Variants in MYDGF observed in about 807,000 individuals in gnomAD.
MYDGF encodes myeloid-derived growth factor.
A neutral mutation model predicts 24.2 loss-of-function variants in MYDGF; 29 were observed. The observed-to-expected ratio is 1.20, with a 90% CI of 0.89 to 1.63. The LOEUF (loss-of-function observed/expected upper bound fraction) is 1.63. Among genes scored for constraint, MYDGF ranks in the 40% most tolerant of loss-of-function variants. The probability of loss-of-function intolerance (pLI) is 0.00; values close to 1 mark genes in which losing one functional copy is unlikely to be tolerated. For missense variants in MYDGF, 245 were observed against 234.8 expected, an observed-to-expected ratio of 1.04 and a Z score of -0.29; for synonymous variants, 105 against 102.5, an observed-to-expected ratio of 1.02 and a Z score of -0.15.
chr19:4,667,680 C>G (rs1006508360), intron 2 of MYDGF, among the ~76,000 whole-genome samples: 13 of 151,848 alleles, frequency 8.6e-5, no homozygotes, highest in African/African-American at 3.2e-4. Context: ...CAACTAAGAG[C>G]TTGAAGGAGA....
chr19:4,665,036 T>C, intron 2 of MYDGF, 99 bp from the exon 3 acceptor site: 2 of 1,296,366 alleles, frequency 1.5e-6, no homozygotes, highest in Non-Finnish European at 2.1e-6. Context: ...ACCTCTTCTG[T>C]ACCTCCCGAT....
chr19:4,670,147 G>A lies in MYDGF; in HGVS notation c.174+14C>T. ...TGCCAGCACTCAAATATCCGGGACG[G>A]CGGTGGCACGTACCCCCGGGCCCAC... On this transcript the variant is annotated intron_variant, in intron 1 of 5. Coordinates refer to ENST00000262947, the MANE Select transcript of MYDGF (RefSeq NM_019107.4). 6.6e-7 allele frequency: 1 copy of A among 1,509,890 alleles called. No individual in the cohort carries two copies. Among genetic ancestry groups the A allele is most frequent in the East Asian group, 2.7e-5 (1 of 36,800 alleles). 93.5% of individuals were successfully genotyped at this position (1,509,890 alleles called of 1,614,324 possible).
intron 1 of MYDGF, 37 bp from the exon 2 acceptor site, chr19:4,668,682 G>A (rs745788733): frequency 2.5e-6 from 4 of 1,579,710 alleles, no homozygotes; most frequent in Non-Finnish European, 3.5e-6. Flanking sequence ...TTGGTAGAAG[G>A]AAATTTTTAT....
Position 4,658,020 on chromosome 19 carries a change from C to T in MYDGF, c.507G>A (p.Ser169=), listed in dbSNP as rs201344891. Residue 169 remains serine (S), a synonymous_variant, in exon 6 of 6, where the codon TCG becomes TCA. Transcript: ENST00000262947. The part of the protein sequence containing the change: ...LSKLVIVAKA[S]RTEL ...GGGCTGCTGGTCACAGCTCAGTGCG[C>T]GATGCCTTGGCCACAATCACCAGCT... 3.2e-5 allele frequency: 52 copies of T among 1,610,694 alleles called. No individual in the cohort carries two copies. The highest frequency in any genetic ancestry group is 2.2e-4 in the Admixed American group (13 of 59,694).
At chr19:4,664,427 C>G (rs1294624277) in intron 3 of MYDGF, among the ~76,000 whole-genome samples, 1 of 150,264 alleles carries the variant, frequency 6.7e-6, no homozygotes, top group Admixed American at 6.7e-5. Flanking sequence ...GAGGCGGAGG[C>G]TGCAGTGAGC....
At chr19:4,661,668 G>A (rs2088472059) in intron 3 of MYDGF, among the ~76,000 whole-genome samples, 1 of 152,022 alleles carries the variant, frequency 6.6e-6, no homozygotes, top group Non-Finnish European at 1.5e-5. Flanking sequence ...CCCTGGCTGG[G>A]GTTCTATGTG....
At chr19:4,660,431 A>G in intron 4 of MYDGF, 1 of 550,794 alleles carries the variant, frequency 1.8e-6, no homozygotes. Context: ...CCTGGCCTGG[A>G]GAAGTCTTTT....
rs1341268578 is a variant in MYDGF at position 4,657,836 on chromosome 19, C to T, written c.*169G>A. The T allele has an allele frequency of 1.7e-6, 1 of 587,336 alleles. No homozygotes were observed. The highest frequency in any genetic ancestry group is 2.9e-6 in the Non-Finnish European group (1 of 339,648). 36.4% of individuals were successfully genotyped at this position (587,336 alleles called of 1,614,324 possible). On this transcript the variant is annotated 3_prime_UTR_variant, in exon 6 of 6. Transcript: ENST00000262947. ...GGCCCTGGACCCTCTGTTCTCTGCC[C>T]CAGGGCTTCAGCCACCCTGCAAGCC...
intron 3 of MYDGF, among the ~76,000 whole-genome samples, chr19:4,662,425 C>G (rs1396763977): frequency 6.6e-6 from 1 of 152,228 alleles, no homozygotes; most frequent in Non-Finnish European, 1.5e-5. Context: ...ACCCCCTCCC[C>G]ACCGGGGGGC....
chr19:4,658,085 C>T lies in MYDGF; in HGVS notation c.443-1G>A. ...TTGAATGCCCCGGGCCTGTGAGCCA[C>T]TGCAAGAAAGAAACACATGGTTGGG... On this transcript the variant is annotated splice_acceptor_variant, in intron 5 of 5. Transcript: ENST00000262947. LOFTEE classifies it high-confidence loss of function. 6.2e-7 allele frequency: 1 copy of T among 1,609,074 alleles called. No homozygotes were observed. The highest frequency in any genetic ancestry group is 2.2e-5 in the East Asian group (1 of 44,838).
At position 4,661,118 on chromosome 19, in the gene MYDGF, G is replaced by A. The variant is rs145310784; in HGVS notation, c.288-368C>T. Among the ~76,000 whole-genome samples, 118 of 151,866 alleles carry A rather than the reference G, an allele frequency of 7.8e-4. 3 individuals carry two copies. In the East Asian group the frequency reaches 0.022, roughly 28 times the overall value. On this transcript the variant is annotated intron_variant, in intron 3 of 5. Coordinates refer to ENST00000262947, the MANE Select transcript of MYDGF (RefSeq NM_019107.4). ...TGTAGCTGGGAGTACAGGCACCCGC[G>A]ACCACATCTGACTAATTTTGGTATT...
chr19:4,667,578 A>T (rs1382557247), intron 2 of MYDGF, among the ~76,000 whole-genome samples: 2 of 152,190 alleles, frequency 1.3e-5, no homozygotes, highest in Non-Finnish European at 2.9e-5. Flanking sequence ...GGCCCAAATC[A>T]TCTTTACTGG....
chr19:4,666,434 C>A (rs1462541197), intron 2 of MYDGF, among the ~76,000 whole-genome samples: 1 of 152,074 alleles, frequency 6.6e-6, no homozygotes, highest in Non-Finnish European at 1.5e-5. Context: ...TGCCACCACG[C>A]CCTGCTAACT....
At chr19:4,665,074 C>A in intron 2 of MYDGF, 137 bp from the exon 3 acceptor site, 1 of 908,432 alleles carries the variant, frequency 1.1e-6, no homozygotes, top group Non-Finnish European at 1.7e-6. Flanking sequence ...AATCCCCTGC[C>A]CCGCCCTCCT....
intron 4 of MYDGF, 105 bp downstream of exon 4, chr19:4,660,564 C>G (rs763760169): frequency 5.1e-5 from 56 of 1,091,426 alleles, no homozygotes; most frequent in Non-Finnish European, 1.9e-5. Flanking sequence ...TTCGCTGTCC[C>G]CTCTCCTCCC....
chr19:4,659,507 A>C (rs561726607), intron 5 of MYDGF, among the ~76,000 whole-genome samples: 1 of 152,172 alleles, frequency 6.6e-6, no homozygotes, highest in South Asian at 2.1e-4. Context: ...TACAGGCGTG[A>C]GCCACCGCAC....
At chr19:4,659,729 C>T (rs886832263) in intron 5 of MYDGF, 1 of 597,378 alleles carries the variant, frequency 1.7e-6, no homozygotes, top group Non-Finnish European at 3.0e-6. Flanking sequence ...AGCTTTGTGC[C>T]ACAATGGCAC....
intron 2 of MYDGF, among the ~76,000 whole-genome samples, chr19:4,667,604 C>G (rs1298753544): frequency 6.6e-6 from 1 of 152,162 alleles, no homozygotes; most frequent in Non-Finnish European, 1.5e-5. Flanking sequence ...CTGCCACCAG[C>G]TGGAGACAAC....
At chr19:4,665,082 C>T (rs2088510343) in intron 2 of MYDGF, 145 bp from the exon 3 acceptor site, 5 of 834,340 alleles carry the variant, frequency 6.0e-6, no homozygotes, top group Non-Finnish European at 9.2e-6. Context: ...GCCCCGCCCT[C>T]CTGGTGGCCT....
Sources: allele counts gnomAD v4.1 joint callset (sites outside exome capture counted in the v4.1 genomes callset), GRCh38; gene constraint gnomAD v4.1.1; transcripts MANE v1.5; gene names NCBI Gene and HGNC (gene_info 2026-07-23, HGNC 2026-07-21).